ZFHX3: variants seen among roughly 807,000 people sequenced by gnomAD.
ZFHX3 encodes zinc finger homeobox 3.
Under a neutral mutation model 279.1 loss-of-function variants are expected in ZFHX3, and 42 were observed. The observed-to-expected ratio is 0.15, with a 90% CI of 0.12 to 0.19. The LOEUF is 0.19. Ranked by LOEUF, ZFHX3 falls within the 10% of genes least tolerant of loss-of-function variation. The probability of loss-of-function intolerance (pLI) is 1.00; values close to 1 mark genes in which losing one functional copy is unlikely to be tolerated. For synonymous variants in ZFHX3, 2,293 were observed against 1,957.8 expected (o/e 1.17, Z -4.52); for missense variants, 4,981 against 4,754.0 (o/e 1.05, Z -1.40).
chr16:73,803,290 TGTTGAGGTATGTTCA>T (rs1326486923), intron 1 of ZFHX3, among the ~76,000 whole-genome samples: 4 of 152,110 alleles, frequency 2.6e-5, no homozygotes, highest in East Asian at 1.9e-4. Context: ...AACACATCAG[TGTTGAGGTATGTTCA>T]GTTGAGGTAT....
At chr16:73,509,934 G>C (rs879454657) in intron 2 of ZFHX3, among the ~76,000 whole-genome samples, 1 of 152,266 alleles carries the variant, frequency 6.6e-6, no homozygotes, top group East Asian at 1.9e-4. Flanking sequence ...GACTTCAGGT[G>C]ATCCACCTGT....
At chr16:73,012,293 G>C (rs1567631977) in intron 1 of ZFHX3, among the ~76,000 whole-genome samples, 1 of 152,330 alleles carries the variant, frequency 6.6e-6, no homozygotes, top group East Asian at 1.9e-4. Context: ...GCATGCATAG[G>C]ATGGAGCCAT....
intron 1 of ZFHX3, among the ~76,000 whole-genome samples, chr16:73,858,387 T>C (rs779168908): frequency 6.6e-6 from 1 of 152,216 alleles, no homozygotes; most frequent in Non-Finnish European, 1.5e-5. Flanking sequence ...TCTTAGATGC[T>C]CTGATGACAA....
At position 73,511,532 on chromosome 16, in the gene ZFHX3, C is replaced by T. The variant is rs138116798; in HGVS notation, c.-1546-55274G>A. 3.0e-4 allele frequency among the ~76,000 whole-genome samples: 46 copies of T among 152,268 alleles called. No individual in the cohort carries two copies. In the East Asian group the frequency reaches 8.3e-3, roughly 27 times the overall value. On this transcript the variant is annotated intron_variant, in intron 2 of 17. Coordinates refer to the ZFHX3 transcript ENST00000641206. ...AATGTGCACAGCCTTAGGAAACGGT[C>T]ATTACAAATATGGAGTTGAATGACT...
At chr16:72,802,950 T>G (rs1378908451) in intron 7 of ZFHX3, among the ~76,000 whole-genome samples, 8 of 152,148 alleles carry the variant, frequency 5.3e-5, no homozygotes, top group Admixed American at 2.6e-4. Context: ...CCCCTTTGTT[T>G]TACAATCATA....
chr16:72,787,170 T>C lies in ZFHX3; in HGVS notation c.11106A>G (p.Arg3702=). 2 of 1,558,038 alleles carry C rather than the reference T, an allele frequency of 1.3e-6. No homozygotes were observed. The highest frequency in any genetic ancestry group is 8.7e-7 in the Non-Finnish European group (1 of 1,146,842). ...GLTSVGTDTF[R]L ...TATTGTTCATCTTCAAAGCTTACAA[T>C]CTGAAGGTGTCCGTTCCTACACTGG... The change falls in exon 10 of 10, where the codon AGA becomes AGG. Residue 3702 remains arginine, a synonymous_variant. Transcript: ENST00000268489.
chr16:72,825,504 T>C (rs938099929), intron 5 of ZFHX3, among the ~76,000 whole-genome samples: 4 of 152,244 alleles, frequency 2.6e-5, no homozygotes, highest in Admixed American at 6.5e-5. Flanking sequence ...CTTTTGGCGA[T>C]GTGCTAGAGA....
intron 1 of ZFHX3, chr16:73,794,221 C>T (rs1460462973): frequency 1.6e-4 from 25 of 152,228 alleles, no homozygotes; most frequent in Admixed American, 1.6e-3. Context: ...TCACCACAAG[C>T]TACAGGAGGG....
intron 3 of ZFHX3, among the ~76,000 whole-genome samples, chr16:72,898,607 C>T (rs1030883983): frequency 2.6e-5 from 4 of 152,200 alleles, no homozygotes; most frequent in South Asian, 2.1e-4. Context: ...GGAATGTCGA[C>T]GCCTCCATGT....
At chr16:73,286,223 CAAAT>C (rs962962224) in intron 4 of ZFHX3, among the ~76,000 whole-genome samples, 5 of 152,046 alleles carry the variant, frequency 3.3e-5, no homozygotes, top group African/African-American at 1.2e-4. Context: ...CACACCCATA[CAAAT>C]AAATAATAAA....
intron 3 of ZFHX3, among the ~76,000 whole-genome samples, chr16:73,338,179 A>G (rs2015954514): frequency 6.6e-6 from 1 of 152,126 alleles, no homozygotes; most frequent in South Asian, 2.1e-4. Flanking sequence ...CTTTAAATGT[A>G]TGACCACAAG....
intron 5 of ZFHX3, among the ~76,000 whole-genome samples, chr16:72,826,572 C>T (rs1954854211): frequency 1.3e-5 from 2 of 152,114 alleles, no homozygotes. Flanking sequence ...GTATCGATTC[C>T]AAGATCAAAT....
intron 4 of ZFHX3, among the ~76,000 whole-genome samples, chr16:73,276,033 C>T (rs138066623): frequency 2.0e-5 from 3 of 152,032 alleles, no homozygotes; most frequent in Non-Finnish European, 4.4e-5. Flanking sequence ...GAAGATGAAG[C>T]GTCCATGCCC....
rs1473786158 is a variant in ZFHX3 at position 72,793,738 on chromosome 16, C to T, written c.8944G>A (p.Asp2982Asn). 6.2e-7 allele frequency: 1 copy of T among 1,614,172 alleles called. No individual in the cohort carries two copies. The highest frequency in any genetic ancestry group is 1.7e-5 in the Admixed American group (1 of 60,024). The change falls in exon 9 of 10, where the codon GAC becomes AAC. Residue 2982 changes from aspartate to asparagine, a missense_variant. This residue lies in a region of ZFHX3 where 168 missense variants were observed against 249.1 expected (regional missense o/e 0.67). Transcript: ENST00000268489. The surrounding 1 kb of genome is among the most constrained non-coding windows in gnomAD (Gnocchi z 4.3). ...ACGACTCTCTTTGGCAGTCCAATGT[C>T]ATTGCCCAGGACCTCACATTCTAGC... ...TMLECEVLGN[D>N]IGLPKRVVQV... is the part of the protein sequence containing the mutation.
At chr16:73,345,784 AT>A (rs1158915957) in intron 3 of ZFHX3, among the ~76,000 whole-genome samples, 1 of 151,936 alleles carries the variant, frequency 6.6e-6, no homozygotes, top group East Asian at 1.9e-4. Flanking sequence ...AGACCCAGCT[AT>A]TTTCAATATG....
At chr16:73,129,067 G>A (rs1490600236) in intron 7 of ZFHX3, among the ~76,000 whole-genome samples, 4 of 152,038 alleles carry the variant, frequency 2.6e-5, no homozygotes, top group Admixed American at 6.6e-5. Flanking sequence ...GACCCCAGAT[G>A]ACCGGTGGAG....
intron 1 of ZFHX3, among the ~76,000 whole-genome samples, chr16:73,016,398 C>A (rs1435199108): frequency 6.6e-5 from 10 of 151,472 alleles, no homozygotes; most frequent in Non-Finnish European, 1.0e-4. Context: ...AAAAAAAAAA[C>A]AAAACATAAC....
chr16:73,198,330 C>A (rs13338929), intron 5 of ZFHX3, among the ~76,000 whole-genome samples: 1 of 150,778 alleles, frequency 6.6e-6, no homozygotes, highest in Non-Finnish European at 1.5e-5. Context: ...TATTCTCTTC[C>A]ATGCTGGTAT....
intron 4 of ZFHX3, among the ~76,000 whole-genome samples, chr16:72,833,859 G>C (rs1796341077): frequency 6.6e-6 from 1 of 152,120 alleles, no homozygotes; most frequent in Non-Finnish European, 1.5e-5. Flanking sequence ...TAAAGAGTTA[G>C]GGAAATAAAA....
Sources: gnomAD v4.1 joint callset for allele counts (sites outside exome capture counted in the v4.1 genomes callset) on GRCh38, gnomAD v4.1.1 for gene constraint, gnomAD v4.1.1 regional missense constraint, Gnocchi (gnomAD v3.1) non-coding constraint, MANE v1.5 for transcripts, NCBI Gene and HGNC (gene_info 2026-07-23, HGNC 2026-07-21) for gene names.